Variants in EFCAB6 observed in about 807,000 individuals in gnomAD.
EFCAB6 encodes EF-hand calcium-binding domain-containing protein 6.
EFCAB6 carries 156 observed loss-of-function variants against 169.8 expected under a neutral mutation model. The ratio of observed to expected loss-of-function variants is 0.92; its 90% CI spans 0.81 to 1.05. The LOEUF (loss-of-function observed/expected upper bound fraction) is 1.05. Ranked by LOEUF, EFCAB6 falls within the 50% of genes least tolerant of loss-of-function variation. EFCAB6 has a pLI of 0.00. For synonymous variants in EFCAB6, 698 were observed against 676.4 expected (o/e 1.03, Z -0.50); for missense variants, 1,800 against 1,829.1 (o/e 0.98, Z 0.29).
intron 3 of EFCAB6, among the ~76,000 whole-genome samples, chr22:43,775,186 G>A (rs890247842): frequency 6.6e-6 from 1 of 152,144 alleles, no homozygotes; most frequent in South Asian, 2.1e-4. Flanking sequence ...GTCTGGCCTG[G>A]GTGGCTGGGC....
intron 17 of EFCAB6, among the ~76,000 whole-genome samples, chr22:43,651,350 T>A (rs140559389): frequency 2.0e-5 from 3 of 152,246 alleles, no homozygotes; most frequent in African/African-American, 7.2e-5. Flanking sequence ...CCTTGGCAGC[T>A]TCCACATGGT....
At chr22:43,590,981 G>GT (rs1197381948) in intron 23 of EFCAB6, among the ~76,000 whole-genome samples, 12 of 150,958 alleles carry the variant, frequency 7.9e-5, no homozygotes, top group Non-Finnish European at 1.0e-4. Flanking sequence ...TGTTTTGTTT[G>GT]TTTTTTTTTA....
At chr22:43,760,172 C>T (rs1255044363) in intron 5 of EFCAB6, among the ~76,000 whole-genome samples, 1 of 142,858 alleles carries the variant, frequency 7.0e-6, no homozygotes, top group African/African-American at 2.6e-5. Context: ...CCACTGCACT[C>T]CAGCCTGGGT....
chr22:43,601,641 T>G (rs111785394), intron 22 of EFCAB6, among the ~76,000 whole-genome samples: 3,015 of 152,362 alleles, frequency 0.02, 103 homozygotes, highest in African/African-American at 0.069. Context: ...CCTGTACGAC[T>G]GTTTGAGCTG....
intron 26 of EFCAB6, among the ~76,000 whole-genome samples, chr22:43,558,111 C>G (rs1569155170): frequency 6.6e-6 from 1 of 152,142 alleles, no homozygotes; most frequent in Non-Finnish European, 1.5e-5. Flanking sequence ...TTCTTCTATT[C>G]ACATTTTTAG....
At chr22:43,773,434 A>G (rs2061543031) in intron 3 of EFCAB6, among the ~76,000 whole-genome samples, 2 of 152,262 alleles carry the variant, frequency 1.3e-5, no homozygotes, top group African/African-American at 4.8e-5. Flanking sequence ...AAATCTTTAA[A>G]ATATCATATT....
chr22:43,547,253 G>A (rs2048112036), intron 27 of EFCAB6, among the ~76,000 whole-genome samples: 1 of 152,182 alleles, frequency 6.6e-6, no homozygotes, highest in Non-Finnish European at 1.5e-5. Context: ...CGGGAAAGCT[G>A]CTAACCCTAC....
At chr22:43,530,682 G>A (rs1456310282) in intron 31 of EFCAB6, 133 bp downstream of exon 31, 8 of 1,506,186 alleles carry the variant, frequency 5.3e-6, no homozygotes, top group Non-Finnish European at 7.1e-6. Flanking sequence ...GGGTCCCAGG[G>A]AAGTGAGATC....
intron 25 of EFCAB6, among the ~76,000 whole-genome samples, chr22:43,577,650 G>A (rs916344396): frequency 7.9e-5 from 12 of 152,160 alleles, no homozygotes; most frequent in African/African-American, 2.2e-4. Flanking sequence ...TACCTGGCCC[G>A]TGGGGATCTC....
At chr22:43,570,622 T>TC (rs1460420654) in intron 26 of EFCAB6, among the ~76,000 whole-genome samples, 2 of 151,678 alleles carry the variant, frequency 1.3e-5, no homozygotes, top group African/African-American at 4.8e-5. Context: ...CTTTTTTTTT[T>TC]TTTTCCTGTT....
chr22:43,639,706 AT>A (rs2055669195), intron 17 of EFCAB6, among the ~76,000 whole-genome samples: 1 of 152,270 alleles, frequency 6.6e-6, no homozygotes, highest in African/African-American at 2.4e-5. Flanking sequence ...AATTTTAGCC[AT>A]TATTTCTTCA....
intron 10 of EFCAB6, among the ~76,000 whole-genome samples, chr22:43,699,256 G>A (rs1242541656): frequency 1.3e-5 from 2 of 152,142 alleles, no homozygotes; most frequent in Non-Finnish European, 2.9e-5. Flanking sequence ...GAAGGTGAGA[G>A]GAGAAAGAAG....
intron 26 of EFCAB6, among the ~76,000 whole-genome samples, chr22:43,563,059 A>G (rs1417767637): frequency 6.6e-6 from 1 of 152,158 alleles, no homozygotes; most frequent in Non-Finnish European, 1.5e-5. Context: ...CCAGGGCCAG[A>G]CCTGCCCTTG....
chr22:43,765,586 G>A (rs1026665750), intron 4 of EFCAB6, among the ~76,000 whole-genome samples, 193 bp from the exon 5 acceptor site: 1 of 152,092 alleles, frequency 6.6e-6, no homozygotes, highest in Non-Finnish European at 1.5e-5. Context: ...TCAGCAAATA[G>A]AGTGTAAATA....
At chr22:43,544,506 C>T (rs60067446) in intron 27 of EFCAB6, among the ~76,000 whole-genome samples, 8,191 of 152,218 alleles carry the variant, frequency 0.054, 778 homozygotes, top group African/African-American at 0.19. Flanking sequence ...GTGATCAGCT[C>T]TTCTGGTCTG....
intron 19 of EFCAB6, among the ~76,000 whole-genome samples, chr22:43,630,471 T>C (rs2054858425): frequency 6.6e-6 from 1 of 152,230 alleles, no homozygotes; most frequent in Non-Finnish European, 1.5e-5. Flanking sequence ...AGCAACGATG[T>C]AGCGTGGAGC....
intron 3 of EFCAB6, among the ~76,000 whole-genome samples, chr22:43,779,551 C>T (rs2061745849): frequency 1.3e-5 from 2 of 152,114 alleles, no homozygotes; most frequent in Non-Finnish European, 2.9e-5. Flanking sequence ...ACCATTCTGG[C>T]CAACATGGTG....
chr22:43,643,937 C>A (rs953593161), intron 17 of EFCAB6, among the ~76,000 whole-genome samples: 1 of 151,982 alleles, frequency 6.6e-6, no homozygotes, highest in Non-Finnish European at 1.5e-5. Context: ...CATTCTCCTG[C>A]CTCAGCCTCC....
intron 26 of EFCAB6, among the ~76,000 whole-genome samples, chr22:43,557,937 T>C (rs1208171123): frequency 6.6e-6 from 1 of 152,192 alleles, no homozygotes; most frequent in Non-Finnish European, 1.5e-5. Flanking sequence ...CAGCAGCTAT[T>C]CCTGATAAAA....
Sources: gnomAD v4.1 joint callset for allele counts (sites outside exome capture counted in the v4.1 genomes callset) on GRCh38, gnomAD v4.1.1 for gene constraint, MANE v1.5 for transcripts, NCBI Gene and HGNC (gene_info 2026-07-23, HGNC 2026-07-21) for gene names.